FNBP4: variants seen among roughly 807,000 people sequenced by gnomAD.
FNBP4 encodes formin binding protein 4.
Under a neutral mutation model 119.3 loss-of-function variants are expected in FNBP4, and 34 were observed. The ratio of observed to expected loss-of-function variants is 0.28; its 90% CI spans 0.22 to 0.38. FNBP4 has a LOEUF of 0.38. FNBP4 is among the 10% of genes least tolerant of loss of function. The pLI is 1.00. For synonymous variants in FNBP4, 462 were observed against 430.6 expected, an observed-to-expected ratio of 1.07 and a Z score of -0.90; for missense variants, 1,112 against 1,228.9, an observed-to-expected ratio of 0.90 and a Z score of 1.42.
At chr11:47,737,215 A>T (rs2097575491) in intron 8 of FNBP4, among the ~76,000 whole-genome samples, 1 of 152,092 alleles carries the variant, frequency 6.6e-6, no homozygotes, top group Non-Finnish European at 1.5e-5. Context: ...TAAAATAAAA[A>T]TCCTTTATAA....
chr11:47,741,712 C>T (rs557837511), intron 8 of FNBP4, among the ~76,000 whole-genome samples: 1 of 151,994 alleles, frequency 6.6e-6, no homozygotes, highest in East Asian at 1.9e-4. Flanking sequence ...GCTACTCGGG[C>T]GGCTGAGGCC....
At chr11:47,724,290 A>G in intron 13 of FNBP4, 118 bp from the exon 14 acceptor site, 2 of 1,513,008 alleles carry the variant, frequency 1.3e-6, no homozygotes, top group Non-Finnish European at 1.8e-6. Context: ...TGGTGAGATC[A>G]TGACTCATTG....
intron 1 of FNBP4, among the ~76,000 whole-genome samples, chr11:47,766,061 G>A (rs1744715584): frequency 6.6e-6 from 1 of 151,874 alleles, no homozygotes. Flanking sequence ...TAATACATCT[G>A]CATGGCCGGG....
At chr11:47,742,691 C>T (rs1738331359) in intron 8 of FNBP4, among the ~76,000 whole-genome samples, 1 of 151,518 alleles carries the variant, frequency 6.6e-6, no homozygotes, top group Non-Finnish European at 1.5e-5. Context: ...AGTTCGAGAC[C>T]AGCCTTGCCA....
chr11:47,746,730 C>T (rs1599222629), intron 6 of FNBP4, among the ~76,000 whole-genome samples: 1 of 152,214 alleles, frequency 6.6e-6, no homozygotes, highest in Non-Finnish European at 1.5e-5. Context: ...CCAGGCTGGT[C>T]TCAAACTACT....
At chr11:47,763,202 A>C (rs2097639710) in intron 2 of FNBP4, among the ~76,000 whole-genome samples, 1 of 151,928 alleles carries the variant, frequency 6.6e-6, no homozygotes. Flanking sequence ...GGTGGCTCAG[A>C]CCTGTGATCA....
chr11:47,764,815 C>T (rs187116006), intron 2 of FNBP4, among the ~76,000 whole-genome samples: 127 of 152,196 alleles, frequency 8.3e-4, no homozygotes, highest in African/African-American at 3.0e-3. Flanking sequence ...AGTGTGAATG[C>T]CAGAGTGATG....
chr11:47,748,166 G>T (rs866860455), intron 6 of FNBP4, among the ~76,000 whole-genome samples: 18 of 152,138 alleles, frequency 1.2e-4, no homozygotes, highest in African/African-American at 3.1e-4. Context: ...TTGAACCCGG[G>T]GGGTGGAGGT....
At chr11:47,721,571 C>T (rs1465421160) in intron 15 of FNBP4, among the ~76,000 whole-genome samples, 1 of 152,040 alleles carries the variant, frequency 6.6e-6, no homozygotes, top group Admixed American at 6.6e-5. Flanking sequence ...CACTGCACAC[C>T]AGCCTGGGTG....
chr11:47,718,871 A>ACTACAGG (rs1432842311), intron 16 of FNBP4, among the ~76,000 whole-genome samples: 4 of 151,194 alleles, frequency 2.6e-5, no homozygotes, highest in Non-Finnish European at 5.9e-5. Context: ...AGCATCTAGG[A>ACTACAGG]CTACAGGTGT....
At chr11:47,754,834 T>C (rs892175278) in intron 2 of FNBP4, among the ~76,000 whole-genome samples, 170 bp from the exon 3 acceptor site, 2 of 152,048 alleles carry the variant, frequency 1.3e-5, no homozygotes, top group African/African-American at 2.4e-5. Flanking sequence ...CATCGTATGG[T>C]TAAAGCTAAT....
chr11:47,756,333 T>C (rs2097618002), intron 2 of FNBP4, among the ~76,000 whole-genome samples: 1 of 152,180 alleles, frequency 6.6e-6, no homozygotes, highest in South Asian at 2.1e-4. Flanking sequence ...TTCACAGCGC[T>C]GACACATTCT....
intron 6 of FNBP4, among the ~76,000 whole-genome samples, chr11:47,747,295 C>A (rs1012396839): frequency 6.6e-6 from 1 of 152,142 alleles, no homozygotes; most frequent in Non-Finnish European, 1.5e-5. Context: ...ACGTCTGCCT[C>A]CCGGGTTCAA....
chr11:47,741,817 A>AC (rs1173512946), intron 8 of FNBP4, among the ~76,000 whole-genome samples: 1 of 151,500 alleles, frequency 6.6e-6, no homozygotes, highest in Non-Finnish European at 1.5e-5. Context: ...TCCGTCTCAA[A>AC]AAAAAATAAA....
intron 8 of FNBP4, among the ~76,000 whole-genome samples, chr11:47,737,527 C>A (rs1037482186): frequency 1.3e-5 from 2 of 151,908 alleles, no homozygotes; most frequent in Non-Finnish European, 2.9e-5. Flanking sequence ...GCAGCCTCAA[C>A]CTCCTAGGCT....
chr11:47,739,130 C>T (rs1380881870), intron 8 of FNBP4, among the ~76,000 whole-genome samples: 1 of 151,752 alleles, frequency 6.6e-6, no homozygotes, highest in African/African-American at 2.4e-5. Context: ...CAAAGTCTCA[C>T]TATGTTGCCC....
chr11:47,734,783 G>A (rs753990231), intron 9 of FNBP4, among the ~76,000 whole-genome samples: 18 of 151,836 alleles, frequency 1.2e-4, no homozygotes, highest in African/African-American at 3.9e-4. Flanking sequence ...GACCATCCTC[G>A]CCAACATCGT....
In FNBP4 at chr11:47,734,039, G is replaced by A; in HGVS notation, c.1672C>T (p.Leu558Phe). 3 of 1,521,276 alleles carry A rather than the reference G, an allele frequency of 2.0e-6. No individual in the cohort carries two copies. The highest frequency in any genetic ancestry group is 2.3e-5 in the East Asian group (1 of 43,082). 94.2% of individuals were successfully genotyped at this position (1,521,276 alleles called of 1,614,324 possible). ...AAAAGACTTACCTCAGTCTGTAAGA[G>A]CAGCACATGAAAGTTGGAGATGGAT... is the stretch of plus-strand genomic sequence containing the variant. Reference protein sequence around the residue: ...RQSISNFHVLLLQTETRIADW... With the variant: ...RQSISNFHVLFLQTETRIADW... The change falls in exon 10 of 17, where the codon CTC becomes TTC. Residue 558 changes from leucine (L) to phenylalanine (F), a missense_variant. By Grantham distance (22) the Leu-to-Phe change is conservative. This residue lies in a region of FNBP4 where 826 missense variants were observed against 988.8 expected (regional missense o/e 0.84). Coordinates refer to ENST00000263773, the MANE Select transcript of FNBP4 (RefSeq NM_015308.5).
Position 47,746,347 on chromosome 11 carries a change from C to T in FNBP4, c.954G>A (p.Lys318=), listed in dbSNP as rs1188825630. 63 of 1,613,488 alleles carry T rather than the reference C, an allele frequency of 3.9e-5. No homozygotes were observed. Among genetic ancestry groups the T allele is most frequent in the Non-Finnish European group, 5.2e-5 (61 of 1,179,926 alleles). Residue 318 remains lysine, a synonymous_variant, in exon 7 of 17, where the codon AAG becomes AAA. Transcript: ENST00000263773. ...IQALSNSEEE[K]KGVAASLLAP... ...CAAGCAGCGATGCTGCCACCCCTTT[C>T]TTCTCCTCCTCACTATTTGAGAGAG...
Sources: gnomAD v4.1 joint callset for allele counts (sites outside exome capture counted in the v4.1 genomes callset) on GRCh38, gnomAD v4.1.1 for gene constraint, gnomAD v4.1.1 regional missense constraint, MANE v1.5 for transcripts, NCBI Gene and HGNC (gene_info 2026-07-23, HGNC 2026-07-21) for gene names.